Variants in ASIC2 observed in about 807,000 individuals in gnomAD.
ASIC2 encodes the protein acid sensing ion channel subunit 2, also known as acid-sensing ion channel 2.
A neutral mutation model predicts 57.3 loss-of-function variants in ASIC2; 25 were observed. The observed-to-expected ratio is 0.44, with a 90% confidence interval of 0.32 to 0.61. The LOEUF (loss-of-function observed/expected upper bound fraction) is 0.61, where lower values mean the gene tolerates loss of function less well. ASIC2 is among the 20% of genes least tolerant of loss of function. The pLI is 0.06. For synonymous variants in ASIC2, 319 were observed against 307.5 expected (o/e 1.04, Z -0.39); for missense variants, 641 against 738.1 (o/e 0.87, Z 1.52).
chr17:33,059,795 A>G (rs2092013169), intron 3 of ASIC2, among the ~76,000 whole-genome samples: 1 of 152,150 alleles, frequency 6.6e-6, no homozygotes. Context: ...AAGTGTTCCT[A>G]TTTCTCCACA....
intron 1 of ASIC2, among the ~76,000 whole-genome samples, chr17:33,917,868 ACACACACACACACGTGCATGTG>A (rs2141963044): frequency 6.8e-6 from 1 of 147,004 alleles, no homozygotes; most frequent in South Asian, 2.2e-4. Flanking sequence ...ACACACACAC[ACACACACACACACGTGCATGTG>A]CACACACACA....
At chr17:33,895,849 G>A (rs1317081548) in intron 1 of ASIC2, among the ~76,000 whole-genome samples, 1 of 152,074 alleles carries the variant, frequency 6.6e-6, no homozygotes, top group Non-Finnish European at 1.5e-5. Context: ...TGGACTCTAG[G>A]TCCCATAAAA....
intron 1 of ASIC2, among the ~76,000 whole-genome samples, chr17:33,211,344 C>T (rs1180135010): frequency 6.6e-6 from 1 of 151,982 alleles, no homozygotes; most frequent in Non-Finnish European, 1.5e-5. Context: ...TCAAGTCAGC[C>T]ATGGAGGGGG....
intron 1 of ASIC2, among the ~76,000 whole-genome samples, chr17:33,854,921 G>C (rs937376040): frequency 6.6e-6 from 1 of 152,206 alleles, no homozygotes; most frequent in African/African-American, 2.4e-5. Context: ...TCTCTCTCCA[G>C]TTTCCTCTGG....
At chr17:33,911,503 G>A (rs533481542) in intron 1 of ASIC2, among the ~76,000 whole-genome samples, 1 of 152,188 alleles carries the variant, frequency 6.6e-6, no homozygotes, top group Non-Finnish European at 1.5e-5. Context: ...GTAGGCAGGG[G>A]AAGAAACAGC....
chr17:33,567,430 C>T (rs1258337742), intron 1 of ASIC2, among the ~76,000 whole-genome samples: 1 of 152,130 alleles, frequency 6.6e-6, no homozygotes, highest in East Asian at 1.9e-4. Context: ...TGAATTTGGT[C>T]TAAGCATGAA....
chr17:33,634,180 T>C (rs1000295605), intron 1 of ASIC2, among the ~76,000 whole-genome samples: 1 of 152,210 alleles, frequency 6.6e-6, no homozygotes, highest in Non-Finnish European at 1.5e-5. Context: ...CACTCTCTAG[T>C]TCCCTGAATA....
intron 1 of ASIC2, among the ~76,000 whole-genome samples, chr17:33,430,756 T>C (rs1911383623): frequency 6.6e-6 from 1 of 152,154 alleles, no homozygotes; most frequent in Admixed American, 6.5e-5. Context: ...GCAGTTCAAA[T>C]AAAAACAAAC....
At chr17:34,086,062 A>G (rs1399138402) in intron 1 of ASIC2, among the ~76,000 whole-genome samples, 1 of 149,804 alleles carries the variant, frequency 6.7e-6, no homozygotes, top group African/African-American at 2.5e-5. Context: ...GATTTTAGTT[A>G]TTTCTTGCCT....
At chr17:33,412,982 G>A (rs151192948) in intron 1 of ASIC2, among the ~76,000 whole-genome samples, 31 of 152,248 alleles carry the variant, frequency 2.0e-4, no homozygotes, top group Middle Eastern at 3.4e-3. Context: ...TGGACAAGCC[G>A]CTCTGTGCTC....
chr17:34,038,116 C>T, intron 1 of ASIC2: 1 of 1,612,910 alleles, frequency 6.2e-7, no homozygotes, highest in Non-Finnish European at 8.5e-7. Flanking sequence ...TAATTTTTAT[C>T]TCTCCACACC....
chr17:33,504,778 C>T (rs573175512), intron 1 of ASIC2, among the ~76,000 whole-genome samples: 1 of 152,338 alleles, frequency 6.6e-6, no homozygotes, highest in African/African-American at 2.4e-5. Context: ...TCCATCCTGT[C>T]CCTGTGATTG....
chr17:33,124,356 G>A (rs1158710544), intron 1 of ASIC2, among the ~76,000 whole-genome samples: 1 of 152,170 alleles, frequency 6.6e-6, no homozygotes, highest in Non-Finnish European at 1.5e-5. Flanking sequence ...ATTAGGGCCT[G>A]GCTGGGAGAT....
chr17:33,820,874 C>T (rs1912724442), intron 1 of ASIC2, among the ~76,000 whole-genome samples: 1 of 152,130 alleles, frequency 6.6e-6, no homozygotes, highest in Non-Finnish European at 1.5e-5. Context: ...TTAAATGCGG[C>T]TGTTAGAAAA....
At chr17:34,107,466 G>A (rs963662045) in intron 1 of ASIC2, among the ~76,000 whole-genome samples, 5 of 152,130 alleles carry the variant, frequency 3.3e-5, no homozygotes, top group South Asian at 2.1e-4. Context: ...CTGTGATCAC[G>A]CCACTGTACC....
chr17:33,250,504 T>C (rs529801803), intron 1 of ASIC2, among the ~76,000 whole-genome samples: 54 of 152,340 alleles, frequency 3.5e-4, no homozygotes, highest in African/African-American at 1.3e-3. Flanking sequence ...AGAAGAGGCC[T>C]TGGCTGCGAG....
intron 1 of ASIC2, among the ~76,000 whole-genome samples, chr17:33,279,351 G>A (rs1904844892): frequency 6.6e-6 from 1 of 152,142 alleles, no homozygotes; most frequent in East Asian, 1.9e-4. Flanking sequence ...GGTGAATCAG[G>A]GCATCCAGGG....
intron 1 of ASIC2, among the ~76,000 whole-genome samples, chr17:34,099,129 AGAGAGAGAGAGAGAGACAGAGAGAG>A (rs1910669995): frequency 1.4e-4 from 4 of 28,352 alleles, no homozygotes; most frequent in African/African-American, 4.6e-4. Flanking sequence ...AGAGAGAGAG[AGAGAGAGAGAGAGAGACAGAGAGAG>A]AGAGAGAGAG....
chr17:33,613,361 T>G (rs1285148323), intron 1 of ASIC2, among the ~76,000 whole-genome samples: 1 of 149,986 alleles, frequency 6.7e-6, no homozygotes, highest in East Asian at 2.0e-4. Flanking sequence ...GGAAAAAGAA[T>G]GTGTATTCTT....
Sources: allele counts gnomAD v4.1 joint callset (sites outside exome capture counted in the v4.1 genomes callset), GRCh38; gene constraint gnomAD v4.1.1; transcripts MANE v1.5; gene names NCBI Gene and HGNC (gene_info 2026-07-23, HGNC 2026-07-21).